The following IL1RAPL1 variants were observed in gnomAD, a reference collection of about 807,000 sequenced individuals.
The protein encoded by IL1RAPL1 is interleukin 1 receptor accessory protein like 1.
In IL1RAPL1, 3 loss-of-function variants were observed where a neutral mutation model predicts 48.4. That is an observed-to-expected ratio of 0.06 (90% CI 0.03 to 0.16). IL1RAPL1 has a LOEUF of 0.16. Among genes scored for constraint, IL1RAPL1 ranks in the 10% least tolerant of loss-of-function variants. The probability of loss-of-function intolerance (pLI) is 1.00; values close to 1 mark genes in which losing one functional copy is unlikely to be tolerated. For missense variants in IL1RAPL1, 349 were observed against 530.6 expected, an observed-to-expected ratio of 0.66 and a Z score of 3.36; for synonymous variants, 185 against 187.7, an observed-to-expected ratio of 0.99 and a Z score of 0.12.
intron 5 of IL1RAPL1, among the ~76,000 whole-genome samples, chrX:29,568,494 G>C (rs771069053): frequency 9.1e-6 from 1 of 110,190 alleles, no homozygotes; most frequent in African/African-American, 3.3e-5. Context: ...AAAAAGTAGC[G>C]GATTTTATGT....
At chrX:28,663,471 G>A (rs1330127516) in intron 1 of IL1RAPL1, among the ~76,000 whole-genome samples, 3 of 112,139 alleles carry the variant, frequency 2.7e-5, no homozygotes, top group East Asian at 2.8e-4. Context: ...ATTTTAAAAC[G>A]GGATTGTATT....
chrX:29,095,506 T>C (rs1482622588), intron 2 of IL1RAPL1, among the ~76,000 whole-genome samples: 2 of 111,922 alleles, frequency 1.8e-5, no homozygotes, highest in East Asian at 5.6e-4. Flanking sequence ...ATCCTCTAAA[T>C]GAACAAAGCC....
At position 29,903,183 on chromosome X, in the gene IL1RAPL1, TGAGAGA is replaced by T. The variant is rs1193474559; in HGVS notation, c.779-14264_779-14259del. Among the ~76,000 whole-genome samples the T allele has an allele frequency of 1.4e-4, 13 of 93,020 alleles. No homozygotes were observed. In the East Asian group the frequency reaches 2.1e-3, roughly 15 times the overall value. The allele number at this position is 93,020 out of a possible 115,157, so 80.8% of individuals were successfully genotyped here. A position where few individuals can be genotyped will look rare whatever the true frequency, so the allele number is the denominator to read the frequency against. On this transcript the variant is annotated intron_variant, in intron 6 of 10. Coordinates refer to ENST00000378993, the MANE Select transcript of IL1RAPL1 (RefSeq NM_014271.4). The stretch of plus-strand genomic sequence containing the variant: ...CCGTGTGTGTGTGTGTGTGTGTGTG[TGAGAGA>T]GAGAGAGAGAGAGAGACAAAGAAAT...
intron 2 of IL1RAPL1, among the ~76,000 whole-genome samples, chrX:29,164,888 G>GT (rs1225121459): frequency 5.4e-5 from 6 of 111,635 alleles, no homozygotes; most frequent in African/African-American, 2.0e-4. Flanking sequence ...ACTATCCTCT[G>GT]TAATATAATG....
intron 5 of IL1RAPL1, among the ~76,000 whole-genome samples, chrX:29,458,383 A>G (rs1330985156): frequency 8.9e-6 from 1 of 111,741 alleles, no homozygotes; most frequent in Non-Finnish European, 1.9e-5. Context: ...ACATTTAAAT[A>G]ATTAGCTCAA....
intron 2 of IL1RAPL1, among the ~76,000 whole-genome samples, chrX:29,066,823 A>G (rs933818389): frequency 3.6e-5 from 4 of 112,079 alleles, no homozygotes; most frequent in Non-Finnish European, 7.5e-5. Context: ...TCTGTAACAT[A>G]GAGCTTCAGG....
At chrX:29,691,331 C>T (rs1359327488) in intron 6 of IL1RAPL1, among the ~76,000 whole-genome samples, 1 of 111,386 alleles carries the variant, frequency 9.0e-6, no homozygotes, top group Non-Finnish European at 1.9e-5. Flanking sequence ...TTGCACTTGT[C>T]TGTTGGGCAA....
intron 3 of IL1RAPL1, among the ~76,000 whole-genome samples, chrX:29,303,456 T>A (rs1420991454): frequency 1.8e-5 from 2 of 112,037 alleles, no homozygotes; most frequent in African/African-American, 3.2e-5. Flanking sequence ...AGTCTCTTTA[T>A]AATTGTATCT....
chrX:28,723,994 G>C (rs974494174), intron 1 of IL1RAPL1, among the ~76,000 whole-genome samples: 1 of 111,681 alleles, frequency 9.0e-6, no homozygotes, highest in Non-Finnish European at 1.9e-5. Context: ...TACATTTGCT[G>C]AGGAGAGCTT....
At chrX:28,834,766 A>G (rs1383237740) in intron 2 of IL1RAPL1, among the ~76,000 whole-genome samples, 1 of 111,321 alleles carries the variant, frequency 9.0e-6, no homozygotes. Context: ...ATTTTGGAGG[A>G]TAAGTGATTT....
At chrX:28,849,910 T>C (rs1335051548) in intron 2 of IL1RAPL1, among the ~76,000 whole-genome samples, 2 of 112,067 alleles carry the variant, frequency 1.8e-5, no homozygotes, top group African/African-American at 6.5e-5. Context: ...TTTATTCAAC[T>C]AATGCCAGTA....
intron 1 of IL1RAPL1, among the ~76,000 whole-genome samples, chrX:28,654,012 AC>A (rs935044741): frequency 9.0e-6 from 1 of 111,418 alleles, no homozygotes; most frequent in Non-Finnish European, 1.9e-5. Context: ...GAAACAAATC[AC>A]CCTGGGGTTA....
intron 3 of IL1RAPL1, among the ~76,000 whole-genome samples, chrX:29,349,405 G>T (rs1933193079): frequency 9.0e-6 from 1 of 111,703 alleles, no homozygotes; most frequent in Non-Finnish European, 1.9e-5. Flanking sequence ...AGTGGCTTTG[G>T]GACAAAAGGA....
chrX:29,943,435 A>G (rs1331807604), intron 9 of IL1RAPL1, among the ~76,000 whole-genome samples: 5 of 112,005 alleles, frequency 4.5e-5, no homozygotes, highest in Non-Finnish European at 9.4e-5. Flanking sequence ...TAAATAACTT[A>G]CTCAAGAAGA....
At chrX:28,916,283 A>G (rs965244686) in intron 2 of IL1RAPL1, among the ~76,000 whole-genome samples, 2 of 111,112 alleles carry the variant, frequency 1.8e-5, no homozygotes, top group African/African-American at 6.5e-5. Context: ...TCTTAGGTCA[A>G]TTCTTGCTGG....
chrX:29,885,940 A>G (rs1212145469), intron 6 of IL1RAPL1, among the ~76,000 whole-genome samples: 1 of 112,551 alleles, frequency 8.9e-6, no homozygotes, highest in Admixed American at 9.4e-5. Flanking sequence ...GAGATTTTTT[A>G]CAAGTAACAT....
intron 2 of IL1RAPL1, among the ~76,000 whole-genome samples, chrX:29,090,652 C>T (rs1928069422): frequency 8.9e-6 from 1 of 112,019 alleles, no homozygotes; most frequent in Admixed American, 9.5e-5. Context: ...ATAGAATTGG[C>T]TGCCATTCTC....
chrX:29,006,116 C>T (rs886388809), intron 2 of IL1RAPL1, among the ~76,000 whole-genome samples: 24 of 111,374 alleles, frequency 2.2e-4, no homozygotes, highest in African/African-American at 7.5e-4. Flanking sequence ...GCTTCCTGTC[C>T]TCCTGCCAGC....
At chrX:29,304,516 G>A (rs886301034) in intron 3 of IL1RAPL1, among the ~76,000 whole-genome samples, 12 of 111,920 alleles carry the variant, frequency 1.1e-4, no homozygotes, top group African/African-American at 3.6e-4. Context: ...TCTAAAATAT[G>A]TACTTAAAAT....
Sources: allele counts gnomAD v4.1 joint callset (sites outside exome capture counted in the v4.1 genomes callset), GRCh38; gene constraint gnomAD v4.1.1; transcripts MANE v1.5; gene names NCBI Gene and HGNC (gene_info 2026-07-23, HGNC 2026-07-21).